FAM13A: variants seen among roughly 807,000 people sequenced by gnomAD.
FAM13A encodes family with sequence similarity 13 member A.
FAM13A carries 76 observed loss-of-function variants against 129.6 expected under a neutral mutation model. That is an observed-to-expected ratio of 0.59 (90% CI 0.49 to 0.71). The LOEUF (loss-of-function observed/expected upper bound fraction) is 0.71. Among genes scored for constraint, FAM13A ranks in the 30% least tolerant of loss-of-function variants. FAM13A has a pLI of 0.00. For synonymous variants in FAM13A, 443 were observed against 449.9 expected (o/e 0.98, Z 0.20); for missense variants, 1,108 against 1,249.3 (o/e 0.89, Z 1.70).
At chr4:88,748,879 C>T in intron 17 of FAM13A, 73 bp downstream of exon 17, 1 of 1,034,292 alleles carries the variant, frequency 9.7e-7, no homozygotes, top group Non-Finnish European at 1.5e-6. Context: ...CAGTGGCACT[C>T]AGTGGGAGAG....
At chr4:88,856,914 T>G (rs1738612978) in intron 6 of FAM13A, among the ~76,000 whole-genome samples, 1 of 152,180 alleles carries the variant, frequency 6.6e-6, no homozygotes, top group African/African-American at 2.4e-5. Flanking sequence ...TAGTTTTAAT[T>G]TAAAGACCAC....
At chr4:88,980,957 A>G (rs1761587432) in intron 4 of FAM13A, among the ~76,000 whole-genome samples, 1 of 152,182 alleles carries the variant, frequency 6.6e-6, no homozygotes, top group Non-Finnish European at 1.5e-5. Flanking sequence ...GCAGTTTTAA[A>G]CATTTTTGGT....
At chr4:88,821,703 T>C (rs1346742843) in intron 7 of FAM13A, among the ~76,000 whole-genome samples, 3 of 152,128 alleles carry the variant, frequency 2.0e-5, no homozygotes, top group Non-Finnish European at 4.4e-5. Flanking sequence ...CCACAAAGTG[T>C]TTTAGTCTCT....
intron 4 of FAM13A, among the ~76,000 whole-genome samples, chr4:88,962,294 T>C (rs948049409): frequency 9.9e-5 from 15 of 152,062 alleles, no homozygotes; most frequent in Admixed American, 4.6e-4. Context: ...TACTTAAATA[T>C]TTCACAAAAA....
chr4:88,778,149 T>TA (rs1456480547), intron 11 of FAM13A, among the ~76,000 whole-genome samples: 1 of 152,200 alleles, frequency 6.6e-6, no homozygotes, highest in Non-Finnish European at 1.5e-5. Context: ...TTTGTATCTC[T>TA]AAGGAGGGCA....
intron 5 of FAM13A, among the ~76,000 whole-genome samples, chr4:88,922,705 G>C (rs1751338851): frequency 1.3e-5 from 2 of 152,230 alleles, no homozygotes; most frequent in East Asian, 3.9e-4. Flanking sequence ...TAAAATCAGA[G>C]TAGAACTGAA....
In FAM13A at chr4:88,739,032, T is replaced by A. The variant is rs778251680; in HGVS notation, c.2560A>T (p.Ile854Phe). Residue 854 changes from isoleucine (I) to phenylalanine (F), a missense_variant and splice_region_variant, in exon 20 of 24, where the codon ATT (isoleucine) becomes TTT (phenylalanine). Coordinates refer to ENST00000264344, the MANE Select transcript of FAM13A (RefSeq NM_014883.4). The part of the protein sequence containing the change: ...ILSRANTIPI[I>F]GSPSSKRRSP... ...CCACGGGAAGGTATTCTACTCACAA[T>A]GATGGGTATGGTGTTAGCTCGGGAG... The A allele has an allele frequency of 7.5e-6, 12 of 1,607,852 alleles. No homozygotes were observed. Among genetic ancestry groups the A allele is most frequent in the Non-Finnish European group, 1.0e-5 (12 of 1,174,366 alleles).
At chr4:88,960,737 T>C (rs1758491434) in intron 4 of FAM13A, among the ~76,000 whole-genome samples, 1 of 152,220 alleles carries the variant, frequency 6.6e-6, no homozygotes. Flanking sequence ...TGACAGGCAT[T>C]GTCTTTTGCA....
At chr4:89,043,022 T>G (rs1291886057) in intron 1 of FAM13A, among the ~76,000 whole-genome samples, 1 of 152,220 alleles carries the variant, frequency 6.6e-6, no homozygotes, top group Admixed American at 6.5e-5. Flanking sequence ...AACTCTGATT[T>G]GCATATGTGA....
chr4:88,823,236 G>A lies in FAM13A; in HGVS notation c.1008-18184C>T, dbSNP rs1381274662. 18 of 1,345,196 alleles carry A rather than the reference G, an allele frequency of 1.3e-5. No individual in the cohort carries two copies. The East Asian group carries it at 4.1e-4, about 31-fold the overall frequency. The allele number at this position is 1,345,196 out of a possible 1,614,324, so 83.3% of individuals were successfully genotyped here. A position where few individuals can be genotyped will look rare whatever the true frequency, so the allele number is the denominator to read the frequency against. ...TCGGCTGCTTCTCTACATTTACACTGCAGTCCACTTTGACCTTTTGTTCCA... is the reference window on the plus strand; with the variant it reads ...TCGGCTGCTTCTCTACATTTACACTACAGTCCACTTTGACCTTTTGTTCCA... On this transcript the variant is annotated intron_variant, in intron 7 of 23. Coordinates refer to ENST00000264344, the MANE Select transcript of FAM13A (RefSeq NM_014883.4).
intron 6 of FAM13A, among the ~76,000 whole-genome samples, chr4:88,872,350 T>C (rs1160404343): frequency 6.6e-6 from 1 of 151,660 alleles, no homozygotes; most frequent in Non-Finnish European, 1.5e-5. Context: ...ACAGATTGGA[T>C]AAAGAGTCAA....
At position 88,938,262 on chromosome 4, in the gene FAM13A, G is replaced by A. The variant is rs187448500; in HGVS notation, c.606-21C>T. The A allele has an allele frequency of 1.8e-3, 2,853 of 1,586,704 alleles. 6 individuals are homozygous for A. The highest frequency in any genetic ancestry group is 2.3e-3 in the Non-Finnish European group (2,653 of 1,168,538). On this transcript the variant is annotated intron_variant, in intron 4 of 23. Coordinates refer to ENST00000264344, the MANE Select transcript of FAM13A (RefSeq NM_014883.4). ...GCACACTAGAAACAAGAAAGGGAAA[G>A]AGAGGAATTACTTAGTAAACACAAC... is the stretch of plus-strand genomic sequence containing the variant.
intron 7 of FAM13A, among the ~76,000 whole-genome samples, chr4:88,805,365 C>T (rs1459586897): frequency 1.3e-5 from 2 of 152,128 alleles, no homozygotes; most frequent in Admixed American, 6.6e-5. Flanking sequence ...ACACATAAAC[C>T]CTTAAAATGA....
chr4:88,921,824 A>C (rs888408273), intron 5 of FAM13A, among the ~76,000 whole-genome samples: 10 of 152,106 alleles, frequency 6.6e-5, no homozygotes, highest in East Asian at 1.9e-4. Flanking sequence ...TGCAGAGACA[A>C]ACATAGGCTC....
intron 4 of FAM13A, among the ~76,000 whole-genome samples, chr4:88,985,309 A>T: frequency 6.6e-6 from 1 of 152,326 alleles, no homozygotes; most frequent in East Asian, 1.9e-4. Flanking sequence ...GATTGGGAAG[A>T]AATGGGAAGT....
chr4:88,771,665 A>G (rs1485831080), intron 11 of FAM13A, among the ~76,000 whole-genome samples: 1 of 152,168 alleles, frequency 6.6e-6, no homozygotes, highest in East Asian at 1.9e-4. Context: ...GTAATTTTTA[A>G]AAAGCAGCAA....
intron 1 of FAM13A, among the ~76,000 whole-genome samples, chr4:89,046,101 A>T (rs897259602): frequency 1.2e-4 from 19 of 152,090 alleles, no homozygotes; most frequent in African/African-American, 3.9e-4. Context: ...TTCAACTATA[A>T]AAGCTACAAT....
chr4:88,816,280 T>C (rs1222702574), intron 7 of FAM13A, among the ~76,000 whole-genome samples: 1 of 152,088 alleles, frequency 6.6e-6, no homozygotes, highest in African/African-American at 2.4e-5. Context: ...AGAAGTAGTG[T>C]TCCAAATTGT....
intron 21 of FAM13A, among the ~76,000 whole-genome samples, chr4:88,735,138 T>C (rs1306839917): frequency 6.6e-6 from 1 of 152,082 alleles, no homozygotes; most frequent in African/African-American, 2.4e-5. Context: ...GCAGGGCAGG[T>C]GACTGTAAAT....
Sources: gnomAD v4.1 joint callset for allele counts (sites outside exome capture counted in the v4.1 genomes callset) on GRCh38, gnomAD v4.1.1 for gene constraint, MANE v1.5 for transcripts, NCBI Gene and HGNC (gene_info 2026-07-23, HGNC 2026-07-21) for gene names.